FANCI: variants seen among roughly 807,000 people sequenced by gnomAD.
FANCI encodes the protein Fanconi anemia group I protein.
In FANCI, 156 loss-of-function variants were observed where a neutral mutation model predicts 176.1. That is an observed-to-expected ratio of 0.89 (90% CI 0.78 to 1.01). FANCI has a LOEUF of 1.01. Among genes scored for constraint, FANCI ranks in the 50% least tolerant of loss-of-function variants. The pLI, the probability that FANCI is intolerant of heterozygous loss-of-function variation, is 0.00. For missense variants in FANCI, 1,678 were observed against 1,534.1 expected (o/e 1.09, Z -1.57); for synonymous variants, 613 against 541.7 (o/e 1.13, Z -1.83).
intron 9 of FANCI, among the ~76,000 whole-genome samples, chr15:89,267,187 G>A (rs183504430): frequency 5.1e-4 from 77 of 152,140 alleles, no homozygotes; most frequent in Admixed American, 2.5e-3. Flanking sequence ...AGGCGCAGTG[G>A]CTCATGCCTG....
At chr15:89,297,751 G>C (rs910074774) in intron 24 of FANCI, among the ~76,000 whole-genome samples, 1 of 146,768 alleles carries the variant, frequency 6.8e-6, no homozygotes, top group African/African-American at 2.6e-5. Flanking sequence ...GAAAGAGAGG[G>C]AGAGGGAGAC....
At chr15:89,303,955 A>T in intron 28 of FANCI, 40 bp downstream of exon 28, 1 of 1,581,096 alleles carries the variant, frequency 6.3e-7, no homozygotes, top group Non-Finnish European at 8.7e-7. Context: ...CTTTATATAA[A>T]ATCACTATCC....
chr15:89,282,040 A>C, intron 16 of FANCI: 1 of 553,474 alleles, frequency 1.8e-6, no homozygotes, highest in Non-Finnish European at 3.3e-6. Flanking sequence ...ATGAAGTAAG[A>C]ATTATTGCAA....
rs191519223 is a variant in FANCI, at chr15:89,252,289, A to G, written c.84+4558A>G. Among the ~76,000 whole-genome samples, 362 of 151,340 alleles carry G rather than the reference A, an allele frequency of 2.4e-3. 2 individuals carry two copies. The highest frequency in any genetic ancestry group is 2.6e-3 in the Non-Finnish European group (178 of 67,832). Reference sequence around the variant, plus strand: ...CACTTCAACCTGGGTAAACAAAGTGAGATTCCATCTAAAAAAAAAAAAAAG... The same window carrying G: ...CACTTCAACCTGGGTAAACAAAGTGGGATTCCATCTAAAAAAAAAAAAAAG... On this transcript the variant is annotated intron_variant, in intron 2 of 37. Coordinates refer to ENST00000310775, the MANE Select transcript of FANCI (RefSeq NM_001113378.2).
intron 35 of FANCI, among the ~76,000 whole-genome samples, chr15:89,313,365 C>G (rs1315392732): frequency 6.6e-6 from 1 of 152,176 alleles, no homozygotes; most frequent in Non-Finnish European, 1.5e-5. Context: ...CTTCTCAACT[C>G]AGGGATTTTA....
At chr15:89,295,576 G>C (rs966453418) in intron 24 of FANCI, among the ~76,000 whole-genome samples, 1 of 152,016 alleles carries the variant, frequency 6.6e-6, no homozygotes, top group African/African-American at 2.4e-5. Context: ...TGAGGCAGGA[G>C]AATTGCTCGA....
chr15:89,301,079 A>C (rs2054508760), intron 26 of FANCI, among the ~76,000 whole-genome samples: 1 of 152,240 alleles, frequency 6.6e-6, no homozygotes, highest in Non-Finnish European at 1.5e-5. Context: ...TTCATTATCT[A>C]CATTTTGCAT....
At position 89,292,993 on chromosome 15, in the gene FANCI, A is replaced by G; in HGVS notation, c.2221A>G (p.Ile741Val). Residue 741 changes from isoleucine to valine, a missense_variant, in exon 22 of 38, where the codon ATC becomes GTC. Coordinates refer to ENST00000310775, the MANE Select transcript of FANCI (RefSeq NM_001113378.2). The stretch of plus-strand genomic sequence containing the variant: ...CACCAGTATTGGCATAAAAAATAAT[A>G]TCTGTGCTTTTCTTGTGATGGGAGT... ...QSTSIGIKNN[I>V]CAFLVMGVCE... is the part of the protein sequence containing the mutation. 6.2e-7 allele frequency: 1 copy of G among 1,614,066 alleles called. No homozygotes were observed. Among genetic ancestry groups the G allele is most frequent in the Non-Finnish European group, 8.5e-7 (1 of 1,179,942 alleles).
chr15:89,285,837 G>T (rs2053794353), intron 18 of FANCI, among the ~76,000 whole-genome samples: 1 of 151,856 alleles, frequency 6.6e-6, no homozygotes, highest in African/African-American at 2.4e-5. Flanking sequence ...TACCTAAAGT[G>T]GTATGAAAAC....
rs189214690 is a variant in FANCI, at chr15:89,263,293, T to G, written c.504-126T>G. 2.0e-5 allele frequency: 15 copies of G among 741,236 alleles called. No homozygotes were observed. In the Admixed American group the frequency reaches 2.3e-4, roughly 12 times the overall value. 45.9% of individuals were successfully genotyped at this position (741,236 alleles called of 1,614,324 possible). On this transcript the variant is annotated intron_variant, in intron 6 of 37. Transcript: ENST00000310775. ...TTCATTGTTTTAAATGGTATTTATT[T>G]GATCTTGTTTCTCGGTATTGCAAAA... is the stretch of plus-strand genomic sequence containing the variant.
chr15:89,294,023 G>A (rs1481076874), intron 23 of FANCI, 26 bp downstream of exon 23: 2 of 1,613,554 alleles, frequency 1.2e-6, no homozygotes, highest in Non-Finnish European at 1.7e-6. Flanking sequence ...AGTGCTTAAA[G>A]ACAGCCACTC....
At chr15:89,313,026 T>C (rs1196729224) in intron 35 of FANCI, 54 bp downstream of exon 35, 3 of 1,536,956 alleles carry the variant, frequency 2.0e-6, no homozygotes, top group African/African-American at 1.4e-5. Flanking sequence ...CCCGAAAACA[T>C]GAAGCGGAAG....
chr15:89,305,732 A>C (rs778048751), intron 31 of FANCI, 34 bp downstream of exon 31: 3 of 1,600,624 alleles, frequency 1.9e-6, no homozygotes, highest in Non-Finnish European at 2.6e-6. Context: ...CCAGGAATTG[A>C]CATGAGCAAG....
rs769800058 is a variant in FANCI, at chr15:89,314,593, T to G, written c.3721-19T>G. The G allele has an allele frequency of 2.5e-6, 4 of 1,588,894 alleles. No individual in the cohort carries two copies. Among genetic ancestry groups the G allele is most frequent in the Non-Finnish European group, 3.5e-6 (4 of 1,157,190 alleles). On this transcript the variant is annotated intron_variant, in intron 35 of 37. Transcript: ENST00000310775. Reference sequence around the variant, plus strand: ...AACCATTGAACCTGAAATTTAAGTCTTATGTTCTTTGCCCTTAGGCCAGAG... The same window carrying G: ...AACCATTGAACCTGAAATTTAAGTCGTATGTTCTTTGCCCTTAGGCCAGAG...
intron 12 of FANCI, 151 bp downstream of exon 12, chr15:89,274,455 G>C (rs778170337): frequency 1.4e-4 from 118 of 869,574 alleles, no homozygotes; most frequent in Non-Finnish European, 2.0e-4. Flanking sequence ...AAAACTGGTA[G>C]AGGATACTTT....
At chr15:89,276,687 T>A (rs372343727) in intron 12 of FANCI, 24 bp from the exon 13 acceptor site, 7 of 1,614,056 alleles carry the variant, frequency 4.3e-6, no homozygotes, top group Admixed American at 1.7e-5. Context: ...TTTTCTTTTT[T>A]AACTAAGCTT....
At chr15:89,294,149 G>T in intron 23 of FANCI, 152 bp downstream of exon 23, 2 of 848,022 alleles carry the variant, frequency 2.4e-6, no homozygotes, top group Admixed American at 2.4e-5. Flanking sequence ...ACAATCCTAG[G>T]TAGGTACTTT....
At position 89,291,626 on chromosome 15, in the gene FANCI, A is replaced by G. The variant is rs764435343; in HGVS notation, c.1904A>G (p.Tyr635Cys). Residue 635 changes from tyrosine (Y) to cysteine (C), a missense_variant, in exon 20 of 38, where the codon TAT (tyrosine) becomes TGT (cysteine). Around this residue, in one of 3 missense-constraint regions of FANCI, gnomAD observed 1,204 missense variants for 1,077.4 expected, o/e 1.12. Coordinates refer to ENST00000310775, the MANE Select transcript of FANCI (RefSeq NM_001113378.2). ...QTLLSQLKQFYEPKPDLLPPL... is the reference protein window; with the variant it reads ...QTLLSQLKQFCEPKPDLLPPL... ...TACTATACACAGTTAAAACAGTTCTATGAGCCAAAACCTGATCTGCTGCCT... is the reference window on the plus strand; with the variant it reads ...TACTATACACAGTTAAAACAGTTCTGTGAGCCAAAACCTGATCTGCTGCCT... 57 of 1,613,596 alleles carry G rather than the reference A, an allele frequency of 3.5e-5. No homozygotes were observed. The highest frequency in any genetic ancestry group is 8.0e-5 in the African/African-American group (6 of 74,924).
rs1469031009 is a variant in FANCI at position 89,301,377 on chromosome 15, G to A, written c.2941G>A (p.Glu981Lys). ...SSQEEDFNSK[E>K]ALLLVTVLTS... The stretch of plus-strand genomic sequence containing the variant: ...TCAAGAGGAAGATTTTAATAGCAAA[G>A]AAGCCCTCCTGCTAGTCACGGTTCT... The change falls in exon 27 of 38, where the codon GAA becomes AAA. Residue 981 changes from glutamate (E) to lysine (K), a missense_variant. By Grantham distance (56) the Glu-to-Lys change is moderately conservative. This residue lies in a region of FANCI where 1,204 missense variants were observed against 1,077.4 expected (regional missense o/e 1.12). Coordinates refer to ENST00000310775, the MANE Select transcript of FANCI (RefSeq NM_001113378.2). 1 of 1,613,994 alleles carries A rather than the reference G, an allele frequency of 6.2e-7. No homozygotes were observed. The highest frequency in any genetic ancestry group is 8.5e-7 in the Non-Finnish European group (1 of 1,180,012).
Sources: gnomAD v4.1 joint callset for allele counts (sites outside exome capture counted in the v4.1 genomes callset) on GRCh38, gnomAD v4.1.1 for gene constraint, gnomAD v4.1.1 regional missense constraint, MANE v1.5 for transcripts, NCBI Gene and HGNC (gene_info 2026-07-23, HGNC 2026-07-21) for gene names.